BRINP1: variants seen among roughly 807,000 people sequenced by gnomAD.
BRINP1 encodes the protein BMP/retinoic acid-inducible neural-specific protein 1.
Under a neutral mutation model 72.9 loss-of-function variants are expected in BRINP1, and 17 were observed. That is an observed-to-expected ratio of 0.23 (90% CI 0.16 to 0.35). The LOEUF (loss-of-function observed/expected upper bound fraction) is 0.35, where lower values mean the gene tolerates loss of function less well. BRINP1 is among the 10% of genes least tolerant of loss of function. The probability of loss-of-function intolerance (pLI) is 1.00; values close to 1 mark genes in which losing one functional copy is unlikely to be tolerated. For missense variants in BRINP1, 850 were observed against 1,001.6 expected (o/e 0.85, Z 2.04); for synonymous variants, 418 against 378.5 (o/e 1.10, Z -1.21).
intron 3 of BRINP1, among the ~76,000 whole-genome samples, chr9:119,243,233 C>CCAGT (rs908921688): frequency 1.4e-4 from 22 of 152,108 alleles, no homozygotes; most frequent in Admixed American, 6.5e-5. Flanking sequence ...CTGACAGGAC[C>CCAGT]CAGTGTGTGT....
chr9:119,287,617 TCAGGTTCATGGAAGTAACAGTCAAG>T (rs1216356156), intron 2 of BRINP1, among the ~76,000 whole-genome samples: 6 of 152,206 alleles, frequency 3.9e-5, no homozygotes, highest in African/African-American at 1.4e-4. Context: ...TCAAAGGCTT[TCAGGTTCATGGAAGTAACAGTCAAG>T]TGCAAATGTA....
At chr9:119,263,669 G>A (rs1393206703) in intron 2 of BRINP1, among the ~76,000 whole-genome samples, 1 of 134,858 alleles carries the variant, frequency 7.4e-6, no homozygotes, top group East Asian at 2.4e-4. Context: ...GTGCAGTGGT[G>A]CGATCTCTGC....
At chr9:119,299,850 T>G (rs1251445990) in intron 2 of BRINP1, among the ~76,000 whole-genome samples, 11 of 152,196 alleles carry the variant, frequency 7.2e-5, no homozygotes, top group Admixed American at 7.2e-4. Flanking sequence ...AATATTTCCC[T>G]GAATATGGAA....
At chr9:119,246,213 T>C (rs1830314653) in intron 3 of BRINP1, among the ~76,000 whole-genome samples, 1 of 152,212 alleles carries the variant, frequency 6.6e-6, no homozygotes, top group Non-Finnish European at 1.5e-5. Flanking sequence ...TTCATTGGAT[T>C]GAAGGATGCA....
intron 7 of BRINP1, among the ~76,000 whole-genome samples, chr9:119,175,630 T>A (rs929181174): frequency 6.6e-6 from 1 of 152,142 alleles, no homozygotes; most frequent in Non-Finnish European, 1.5e-5. Flanking sequence ...CTCAACACTA[T>A]AAATGATACC....
intron 2 of BRINP1, among the ~76,000 whole-genome samples, chr9:119,287,854 G>A (rs1331337208): frequency 6.6e-6 from 1 of 152,158 alleles, no homozygotes; most frequent in Non-Finnish European, 1.5e-5. Context: ...CTGGGTGGGA[G>A]GAGGTAGAGG....
intron 1 of BRINP1, among the ~76,000 whole-genome samples, chr9:119,348,462 T>C (rs1831471096): frequency 6.6e-6 from 1 of 152,166 alleles, no homozygotes; most frequent in South Asian, 2.1e-4. Context: ...TTCAACATCT[T>C]TGGTAAATGT....
chr9:119,273,222 G>A (rs1830624742), intron 2 of BRINP1, among the ~76,000 whole-genome samples: 2 of 152,120 alleles, frequency 1.3e-5, no homozygotes, highest in Non-Finnish European at 2.9e-5. Flanking sequence ...TTTTGAATTT[G>A]GGCAAGCTGT....
chr9:119,179,420 C>CTGAT (rs924027029), intron 7 of BRINP1, among the ~76,000 whole-genome samples: 19 of 152,224 alleles, frequency 1.2e-4, no homozygotes, highest in East Asian at 1.2e-3. Flanking sequence ...ACCCTGGAGC[C>CTGAT]TGATTGATTG....
chr9:119,208,714 C>A lies in BRINP1; in HGVS notation c.1145+5G>T, dbSNP rs1829885692. 6.2e-7 allele frequency: 1 copy of A among 1,612,340 alleles called. No individual in the cohort carries two copies. Among genetic ancestry groups the A allele is most frequent in the African/African-American group, 1.3e-5 (1 of 74,886 alleles). ...TGCAGAGGTGGAGGTGGTGGCAACA[C>A]TTACCTCTCTCTAGGCAGCTGGTGG... is the stretch of plus-strand genomic sequence containing the variant. On this transcript the variant is annotated splice_donor_5th_base_variant and intron_variant, in intron 7 of 7. Transcript: ENST00000265922.
Position 119,272,397 on chromosome 9 carries a change from A to G in BRINP1, c.219-23247T>C, listed in dbSNP as rs1447455166. Among the ~76,000 whole-genome samples, 12 of 152,228 alleles carry G rather than the reference A, an allele frequency of 7.9e-5. No individual in the cohort carries two copies. In the East Asian group the frequency reaches 2.1e-3, roughly 27 times the overall value. On this transcript the variant is annotated intron_variant, in intron 2 of 7. Coordinates refer to ENST00000265922, the MANE Select transcript of BRINP1 (RefSeq NM_014618.3). ...TGCGCCCGGCAGGAAATTATTTTTT[A>G]AAGATGATGAACTTCAAAATATCTG...
intron 1 of BRINP1, among the ~76,000 whole-genome samples, chr9:119,366,503 CGTGTGTGTGTGTGT>C (rs3983901): frequency 0.026 from 3,509 of 136,278 alleles, 165 homozygotes; most frequent in African/African-American, 0.04. Flanking sequence ...CCCCCACCAC[CGTGTGTGTGTGTGT>C]GTGTGTGTGT....
intron 5 of BRINP1, among the ~76,000 whole-genome samples, chr9:119,231,354 C>T (rs1396502457): frequency 1.3e-5 from 2 of 152,046 alleles, no homozygotes; most frequent in Admixed American, 6.6e-5. Flanking sequence ...CTCTTGCCTG[C>T]TCCACTTTGA....
intron 3 of BRINP1, among the ~76,000 whole-genome samples, chr9:119,244,562 G>A (rs937476518): frequency 1.3e-5 from 2 of 152,164 alleles, no homozygotes; most frequent in East Asian, 3.9e-4. Flanking sequence ...TATGCTAAGA[G>A]TTTGAGCCAT....
intron 5 of BRINP1, among the ~76,000 whole-genome samples, chr9:119,231,096 C>T (rs1158253634): frequency 6.6e-6 from 1 of 151,850 alleles, no homozygotes; most frequent in East Asian, 1.9e-4. Context: ...TAATACCCTG[C>T]CAAATTAAAC....
intron 7 of BRINP1, among the ~76,000 whole-genome samples, chr9:119,205,009 A>C (rs549651054): frequency 4.5e-4 from 69 of 152,348 alleles, no homozygotes; most frequent in Admixed American, 9.8e-4. Flanking sequence ...GCAAGCAGAC[A>C]CATTGAAACC....
intron 4 of BRINP1, among the ~76,000 whole-genome samples, chr9:119,241,647 T>C (rs537966582): frequency 3.3e-5 from 5 of 152,258 alleles, no homozygotes; most frequent in Admixed American, 1.3e-4. Flanking sequence ...AAAACATAGA[T>C]GTTTAAAATA....
intron 1 of BRINP1, among the ~76,000 whole-genome samples, chr9:119,327,387 C>T (rs560532138): frequency 1.3e-5 from 2 of 152,100 alleles, no homozygotes; most frequent in Non-Finnish European, 2.9e-5. Context: ...CTATGTATGT[C>T]CAGCATCTGG....
intron 1 of BRINP1, among the ~76,000 whole-genome samples, chr9:119,358,898 T>A (rs1274481200): frequency 6.6e-6 from 1 of 152,236 alleles, no homozygotes; most frequent in Admixed American, 6.5e-5. Context: ...CACTCTCTCC[T>A]CTAATCACTG....
Sources: gnomAD v4.1 joint callset for allele counts (sites outside exome capture counted in the v4.1 genomes callset) on GRCh38, gnomAD v4.1.1 for gene constraint, MANE v1.5 for transcripts, NCBI Gene and HGNC (gene_info 2026-07-23, HGNC 2026-07-21) for gene names.